FYB1: variants seen among roughly 807,000 people sequenced by gnomAD.
FYB1 encodes FYN-binding protein 1.
A neutral mutation model predicts 94.1 loss-of-function variants in FYB1; 41 were observed. That is an observed-to-expected ratio of 0.44 (90% CI 0.34 to 0.57). The LOEUF (loss-of-function observed/expected upper bound fraction) is 0.57, where lower values mean the gene tolerates loss of function less well. FYB1 is among the 20% of genes least tolerant of loss of function. The pLI is 0.02. For synonymous variants in FYB1, 367 were observed against 353.2 expected (o/e 1.04, Z -0.44); for missense variants, 1,050 against 976.8 (o/e 1.07, Z -1.00).
chr5:39,231,353 C>T (rs1471985610), intron 1 of FYB1, among the ~76,000 whole-genome samples: 3 of 151,996 alleles, frequency 2.0e-5, no homozygotes, highest in African/African-American at 7.2e-5. Flanking sequence ...ACATGGTTGG[C>T]CATCTTTTCT....
chr5:39,259,449 A>G (rs543269320), intron 1 of FYB1, among the ~76,000 whole-genome samples: 1 of 152,338 alleles, frequency 6.6e-6, no homozygotes, highest in South Asian at 2.1e-4. Context: ...TGGAGGCCTC[A>G]GGAAGAAGTG....
At chr5:39,210,407 T>C (rs1749256302) in intron 1 of FYB1, among the ~76,000 whole-genome samples, 2 of 152,238 alleles carry the variant, frequency 1.3e-5, no homozygotes, top group Non-Finnish European at 1.5e-5. Flanking sequence ...CTCCTGTTTC[T>C]ACTGTGTTCT....
chr5:39,212,870 A>G (rs574040762), intron 1 of FYB1: 73 of 152,126 alleles, frequency 4.8e-4, no homozygotes, highest in African/African-American at 1.7e-3. Flanking sequence ...CCATTCATTC[A>G]TGGATTCATT....
intron 2 of FYB1, chr5:39,169,320 G>C: frequency 1.3e-6 from 1 of 778,076 alleles, no homozygotes; most frequent in Non-Finnish European, 2.3e-6. Flanking sequence ...TCATGCTATG[G>C]GGTATCTTTG....
intron 1 of FYB1, among the ~76,000 whole-genome samples, chr5:39,207,837 C>T (rs696743): frequency 0.53 from 80,242 of 151,926 alleles, 21,686 homozygotes; most frequent in South Asian, 0.73. Context: ...GCATTTTTGA[C>T]GAAAATGACC....
chr5:39,182,995 TTGTGTCTCCTATAG>T (rs1389465122), intron 2 of FYB1, among the ~76,000 whole-genome samples: 1 of 152,204 alleles, frequency 6.6e-6, no homozygotes, highest in Non-Finnish European at 1.5e-5. Context: ...TCAAAAGTCC[TTGTGTCTCCTATAG>T]GTGTCTTGTT....
At chr5:39,123,327 T>G (rs1175659055) in intron 13 of FYB1, among the ~76,000 whole-genome samples, 1 of 152,170 alleles carries the variant, frequency 6.6e-6, no homozygotes, top group Non-Finnish European at 1.5e-5. Context: ...AAATAAATAC[T>G]TTAAAAAATA....
chr5:39,254,840 C>A (rs1038123959), intron 1 of FYB1, among the ~76,000 whole-genome samples: 2 of 152,108 alleles, frequency 1.3e-5, no homozygotes, highest in Admixed American at 6.5e-5. Context: ...GGAGAGAGTG[C>A]AAAGTGGAAG....
At chr5:39,260,522 G>C (rs1480719759) in intron 1 of FYB1, among the ~76,000 whole-genome samples, 3 of 152,106 alleles carry the variant, frequency 2.0e-5, no homozygotes, top group African/African-American at 7.2e-5. Context: ...GTGAAGCATA[G>C]TAAAAGCTCA....
At chr5:39,132,771 C>A (rs977882091) in intron 9 of FYB1, among the ~76,000 whole-genome samples, 4 of 152,026 alleles carry the variant, frequency 2.6e-5, no homozygotes, top group African/African-American at 9.7e-5. Flanking sequence ...AATTCTTTCA[C>A]CAAAAATTAA....
At chr5:39,230,591 T>C (rs996012366) in intron 1 of FYB1, among the ~76,000 whole-genome samples, 3 of 152,122 alleles carry the variant, frequency 2.0e-5, no homozygotes, top group Non-Finnish European at 2.9e-5. Flanking sequence ...TGTATATATG[T>C]ATACATATTC....
At chr5:39,130,555 T>C (rs575492564) in intron 10 of FYB1, 35 bp downstream of exon 10, 3 of 1,532,174 alleles carry the variant, frequency 2.0e-6, no homozygotes, top group South Asian at 2.4e-5. Context: ...TATGTATCAA[T>C]TGTAAAATGT....
chr5:39,196,913 A>C (rs1359617398), intron 2 of FYB1, among the ~76,000 whole-genome samples: 1 of 152,234 alleles, frequency 6.6e-6, no homozygotes, highest in Non-Finnish European at 1.5e-5. Context: ...ATGGCTTGAG[A>C]GGAATAAACG....
intron 3 of FYB1, among the ~76,000 whole-genome samples, chr5:39,149,199 C>A (rs2150351357): frequency 6.6e-6 from 1 of 152,296 alleles, no homozygotes; most frequent in Admixed American, 6.5e-5. Context: ...TGTCTGGAAT[C>A]TTTTACACTC....
intron 2 of FYB1, chr5:39,170,295 A>T: frequency 1.4e-6 from 2 of 1,392,456 alleles, no homozygotes; most frequent in South Asian, 1.4e-5. Context: ...AGTTTAAAAG[A>T]TCTTCTGTCT....
Position 39,271,517 on chromosome 5 carries a change from G to A in FYB1, c.-28+2886C>T, listed in dbSNP as rs140195975. On this transcript the variant is annotated intron_variant, in intron 1 of 1. Coordinates refer to the FYB1 transcript ENST00000510188. Reference sequence around the variant, plus strand: ...TGGTGGTTGCAAATTTCCAGATCTTGTTGTAAGTATTACAGTGCTTATTTA... The same window carrying A: ...TGGTGGTTGCAAATTTCCAGATCTTATTGTAAGTATTACAGTGCTTATTTA... Among the ~76,000 whole-genome samples, 534 of 152,252 alleles carry A rather than the reference G, an allele frequency of 3.5e-3. 7 individuals are homozygous for A. Among genetic ancestry groups the A allele is most frequent in the African/African-American group, 0.012 (518 of 41,544 alleles).
rs767826805 is a variant in FYB1 at position 39,124,265 on chromosome 5, G to A, written c.2059C>T (p.Pro687Ser). Residue 687 changes from proline to serine, a missense_variant, in exon 13 of 19, where the codon CCT becomes TCT. Coordinates refer to ENST00000512982, the MANE Select transcript of FYB1 (RefSeq NM_001465.6). ...NNEGSSFPAP[P>S]KQLDMGDEVY... Reference sequence around the variant, plus strand: ...TTTTATTACTTACCCAATTGTTTAGGAGGAGCAGGGAAACTACAAAGAAAG... The same window carrying A: ...TTTTATTACTTACCCAATTGTTTAGAAGGAGCAGGGAAACTACAAAGAAAG... The A allele has an allele frequency of 6.4e-6, 10 of 1,555,304 alleles. No homozygotes were observed. The highest frequency in any genetic ancestry group is 7.8e-6 in the Non-Finnish European group (9 of 1,153,828).
At chr5:39,213,331 C>T (rs1253511816) in intron 1 of FYB1, among the ~76,000 whole-genome samples, 25 of 152,124 alleles carry the variant, frequency 1.6e-4, no homozygotes, top group Admixed American at 1.6e-3. Context: ...TTGTCTTTGT[C>T]ATATAGTTAC....
At chr5:39,233,062 G>A (rs944296182) in intron 1 of FYB1, among the ~76,000 whole-genome samples, 1 of 152,026 alleles carries the variant, frequency 6.6e-6, no homozygotes, top group Non-Finnish European at 1.5e-5. Context: ...GCATGATTTA[G>A]AGTCCTTTGG....
Sources: allele counts gnomAD v4.1 joint callset (sites outside exome capture counted in the v4.1 genomes callset), GRCh38; gene constraint gnomAD v4.1.1; transcripts MANE v1.5; gene names NCBI Gene and HGNC (gene_info 2026-07-23, HGNC 2026-07-21).